The following CTNND2 variants were observed in gnomAD, a reference collection of about 807,000 sequenced individuals.
CTNND2 encodes catenin delta 2.
Under a neutral mutation model 144.4 loss-of-function variants are expected in CTNND2, and 22 were observed. The ratio of observed to expected loss-of-function variants is 0.15; its 90% CI spans 0.11 to 0.22. The LOEUF (loss-of-function observed/expected upper bound fraction) is 0.22. Among genes scored for constraint, CTNND2 ranks in the 10% least tolerant of loss-of-function variants. CTNND2 has a pLI of 1.00. For synonymous variants in CTNND2, 751 were observed against 695.6 expected, an observed-to-expected ratio of 1.08 and a Z score of -1.25; for missense variants, 1,353 against 1,618.8, an observed-to-expected ratio of 0.84 and a Z score of 2.82.
rs1443986898 is a variant in CTNND2, at chr5:11,903,115, C to T, written c.37+702G>A. On this transcript the variant is annotated intron_variant, in intron 1 of 21. Coordinates refer to ENST00000304623, the MANE Select transcript of CTNND2 (RefSeq NM_001332.4). The surrounding 1 kb of genome is among the most constrained non-coding windows in gnomAD (Gnocchi z 5.4). ...CAGCTTCGCTTTCAGCCATTAATTA[C>T]GGATCACCCCAATTTTGCATCGCTC... is the stretch of plus-strand genomic sequence containing the variant. The T allele has an allele frequency of 1.5e-5, 13 of 842,956 alleles. No homozygotes were observed. Among genetic ancestry groups the T allele is most frequent in the Non-Finnish European group, 1.9e-5 (13 of 699,884 alleles). 52.2% of individuals were successfully genotyped at this position (842,956 alleles called of 1,614,324 possible).
intron 16 of CTNND2, among the ~76,000 whole-genome samples, chr5:11,051,871 T>C (rs561035595): frequency 6.6e-6 from 1 of 152,342 alleles, no homozygotes; most frequent in Admixed American, 6.5e-5. Context: ...TAAAATTTGA[T>C]TTTAAAAATA....
intron 9 of CTNND2, among the ~76,000 whole-genome samples, chr5:11,271,429 A>G (rs1194269016): frequency 6.6e-6 from 1 of 152,234 alleles, no homozygotes; most frequent in Non-Finnish European, 1.5e-5. Flanking sequence ...AAACCAAGGG[A>G]AAAAAGAGCT....
intron 1 of CTNND2, among the ~76,000 whole-genome samples, chr5:11,883,653 G>A (rs934644538): frequency 2.0e-5 from 3 of 152,186 alleles, no homozygotes; most frequent in Non-Finnish European, 4.4e-5. Flanking sequence ...GTGTGCAAGT[G>A]TCTTTATAGT....
At chr5:11,889,067 A>ATAGAAACC (rs1361195884) in intron 1 of CTNND2, among the ~76,000 whole-genome samples, 2 of 152,146 alleles carry the variant, frequency 1.3e-5, no homozygotes, top group African/African-American at 4.8e-5. Flanking sequence ...TGACTCTTAA[A>ATAGAAACC]TAGAAACCTT....
intron 2 of CTNND2, among the ~76,000 whole-genome samples, chr5:11,675,015 T>C (rs1784100112): frequency 6.6e-6 from 1 of 152,166 alleles, no homozygotes; most frequent in Admixed American, 6.5e-5. Context: ...CTATATTCTT[T>C]CCAATGGGGT....
intron 2 of CTNND2, among the ~76,000 whole-genome samples, chr5:11,681,542 C>A (rs1351443736): frequency 2.6e-5 from 4 of 151,928 alleles, no homozygotes; most frequent in African/African-American, 9.6e-5. Context: ...AAATCCTGCT[C>A]TTGAGGAAAA....
At chr5:11,362,601 C>G (rs1293108468) in intron 8 of CTNND2, among the ~76,000 whole-genome samples, 1 of 152,168 alleles carries the variant, frequency 6.6e-6, no homozygotes, top group East Asian at 1.9e-4. Context: ...CATGTTTTCT[C>G]AAAATTGCCT....
chr5:11,120,865 C>A (rs1190702310), intron 12 of CTNND2, among the ~76,000 whole-genome samples: 2 of 152,144 alleles, frequency 1.3e-5, no homozygotes, highest in Non-Finnish European at 2.9e-5. Context: ...TTCCTATAGG[C>A]CTCTGGGCTT....
At chr5:11,116,788 T>C (rs972422960) in intron 13 of CTNND2, among the ~76,000 whole-genome samples, 1 of 152,214 alleles carries the variant, frequency 6.6e-6, no homozygotes, top group Non-Finnish European at 1.5e-5. Context: ...CTGGGTGTGG[T>C]GGCTCATGCC....
At chr5:11,012,612 G>A (rs555859968) in intron 18 of CTNND2, among the ~76,000 whole-genome samples, 10 of 152,304 alleles carry the variant, frequency 6.6e-5, no homozygotes, top group African/African-American at 2.2e-4. Flanking sequence ...GAGGGCTGCC[G>A]GAAGTCAGTT....
At chr5:11,413,395 A>G (rs1242215136) in intron 3 of CTNND2, among the ~76,000 whole-genome samples, 1 of 152,182 alleles carries the variant, frequency 6.6e-6, no homozygotes, top group Non-Finnish European at 1.5e-5. Context: ...AGAATCACCA[A>G]TTCAAAAATC....
At position 11,903,995 on chromosome 5, in the gene CTNND2, T is replaced by TGGCGGGCGGCAGG; in HGVS notation, c.-155_-143dup. ...AGCGCGGCCGCGGGACAAGGGATGCTGGCGGGCGGCAGGGGCGAGCGCCGC... is the reference window on the plus strand; with the variant it reads ...AGCGCGGCCGCGGGACAAGGGATGCTGGCGGGCGGCAGGGGCGGGCGGCAGGGGCGAGCGCCGC... On this transcript the variant is annotated 5_prime_UTR_variant, in exon 1 of 22. Transcript: ENST00000304623. The surrounding 1 kb of genome is among the most constrained non-coding windows in gnomAD (Gnocchi z 5.4). 1 of 1,003,800 alleles carries TGGCGGGCGGCAGG rather than the reference T, an allele frequency of 1.0e-6. No individual in the cohort carries two copies. Among genetic ancestry groups the TGGCGGGCGGCAGG allele is most frequent in the Non-Finnish European group, 1.3e-6 (1 of 782,926 alleles). 62.2% of individuals were successfully genotyped at this position (1,003,800 alleles called of 1,614,324 possible).
chr5:11,726,855 T>C (rs1787050963), intron 2 of CTNND2, among the ~76,000 whole-genome samples: 1 of 152,138 alleles, frequency 6.6e-6, no homozygotes, highest in Non-Finnish European at 1.5e-5. Context: ...GAGTTTGAAA[T>C]TATCAAAAGG....
chr5:11,291,449 C>T (rs1360184363), intron 9 of CTNND2, among the ~76,000 whole-genome samples: 7 of 152,036 alleles, frequency 4.6e-5, no homozygotes, highest in Non-Finnish European at 1.0e-4. Flanking sequence ...ATCATTTTCC[C>T]AGTTTACTGT....
chr5:11,429,822 T>A (rs1763114311), intron 3 of CTNND2, among the ~76,000 whole-genome samples: 1 of 152,096 alleles, frequency 6.6e-6, no homozygotes, highest in Non-Finnish European at 1.5e-5. Context: ...CAGGTCATTA[T>A]CAACCTAGGG....
At chr5:11,787,517 CTTA>C (rs1416336449) in intron 1 of CTNND2, among the ~76,000 whole-genome samples, 1 of 152,150 alleles carries the variant, frequency 6.6e-6, no homozygotes, top group East Asian at 1.9e-4. Context: ...AATTGATGTA[CTTA>C]TTATGTAAAG....
intron 1 of CTNND2, among the ~76,000 whole-genome samples, chr5:11,898,569 C>T (rs189690033): frequency 2.6e-5 from 4 of 152,064 alleles, no homozygotes; most frequent in African/African-American, 9.6e-5. Context: ...TTAATTGTTC[C>T]CCCATCATCT....
intron 9 of CTNND2, among the ~76,000 whole-genome samples, chr5:11,276,805 G>A (rs1216391747): frequency 6.6e-6 from 1 of 152,154 alleles, no homozygotes; most frequent in Admixed American, 6.5e-5. Context: ...AGCACACACA[G>A]AGAGGAAGGC....
chr5:11,327,935 T>C (rs1752699904), intron 9 of CTNND2, among the ~76,000 whole-genome samples: 1 of 152,228 alleles, frequency 6.6e-6, no homozygotes, highest in African/African-American at 2.4e-5. Context: ...CAGTCTAGTG[T>C]TTGTAATTTT....
Sources: gnomAD v4.1 joint callset for allele counts (sites outside exome capture counted in the v4.1 genomes callset) on GRCh38, gnomAD v4.1.1 for gene constraint, Gnocchi (gnomAD v3.1) non-coding constraint, MANE v1.5 for transcripts, NCBI Gene and HGNC (gene_info 2026-07-23, HGNC 2026-07-21) for gene names.